Variants in NRIP3 observed in about 807,000 individuals in gnomAD.
The protein encoded by NRIP3 is nuclear receptor interacting protein 3, also known as nuclear receptor-interacting protein 3.
Under a neutral mutation model 29.0 loss-of-function variants are expected in NRIP3, and 31 were observed. That is an observed-to-expected ratio of 1.07 (90% CI 0.80 to 1.44). The LOEUF (loss-of-function observed/expected upper bound fraction) is 1.44. NRIP3 is among the 40% of genes most tolerant of loss of function. The probability of loss-of-function intolerance (pLI) is 0.00; values close to 1 mark genes in which losing one functional copy is unlikely to be tolerated. For synonymous variants in NRIP3, 131 were observed against 118.3 expected, an observed-to-expected ratio of 1.11 and a Z score of -0.70; for missense variants, 314 against 297.9, an observed-to-expected ratio of 1.05 and a Z score of -0.40.
At chr11:8,987,726 G>A in intron 2 of NRIP3, 96 bp from the exon 3 acceptor site, 2 of 931,916 alleles carry the variant, frequency 2.1e-6, no homozygotes, top group Non-Finnish European at 3.6e-6. Context: ...GAAAGGCAGG[G>A]TTGGAGAGCA....
intron 1 of NRIP3, among the ~76,000 whole-genome samples, chr11:8,996,856 A>T (rs998733712): frequency 5.3e-5 from 8 of 151,724 alleles, no homozygotes; most frequent in African/African-American, 1.9e-4. Context: ...CTTTGAGACC[A>T]ACCTAGCAAC....
At chr11:9,001,908 G>A (rs1854807400) in intron 1 of NRIP3, among the ~76,000 whole-genome samples, 1 of 152,228 alleles carries the variant, frequency 6.6e-6, no homozygotes, top group Non-Finnish European at 1.5e-5. Context: ...ATGATTCAGA[G>A]CCTTACAGTC....
chr11:8,982,525 A>C lies in NRIP3; in HGVS notation c.*1020T>G, dbSNP rs1854436787. On this transcript the variant is annotated 3_prime_UTR_variant, in exon 7 of 7. Coordinates refer to ENST00000309166, the MANE Select transcript of NRIP3 (RefSeq NM_020645.3). ...GACAGACACATAATAGGATGGGCAGAAATGCTGATCGGATCTTGGGAGTAA... is the reference window on the plus strand; with the variant it reads ...GACAGACACATAATAGGATGGGCAGCAATGCTGATCGGATCTTGGGAGTAA... The C allele has an allele frequency of 6.3e-6, 1 of 158,012 alleles. No individual in the cohort carries two copies. Among genetic ancestry groups the C allele is most frequent in the Non-Finnish European group, 1.4e-5 (1 of 72,162 alleles). The allele number at this position is 158,012 out of a possible 1,614,324, so 9.8% of individuals were successfully genotyped here.
intron 1 of NRIP3, among the ~76,000 whole-genome samples, chr11:8,991,583 G>A (rs577693265): frequency 4.0e-5 from 6 of 151,834 alleles, no homozygotes; most frequent in African/African-American, 1.4e-4. Flanking sequence ...CAATAAAGAA[G>A]AAAAAAAAGA....
chr11:8,996,093 G>A (rs779454855), intron 1 of NRIP3, among the ~76,000 whole-genome samples: 2 of 151,944 alleles, frequency 1.3e-5, no homozygotes, highest in Non-Finnish European at 2.9e-5. Context: ...TTCTTTCATA[G>A]TAATTATCAA....
At chr11:9,000,985 C>G (rs149691853) in intron 1 of NRIP3, among the ~76,000 whole-genome samples, 1 of 152,150 alleles carries the variant, frequency 6.6e-6, no homozygotes, top group East Asian at 1.9e-4. Flanking sequence ...GGGAGGATCT[C>G]TTGAGCCTGC....
chr11:8,991,864 T>A (rs1435376692), intron 1 of NRIP3, among the ~76,000 whole-genome samples: 1 of 152,244 alleles, frequency 6.6e-6, no homozygotes, highest in African/African-American at 2.4e-5. Flanking sequence ...GCACCATTTC[T>A]ATGCCTGGCC....
In NRIP3 at chr11:8,983,335, G is replaced by C. The variant is rs971070808; in HGVS notation, c.*210C>G. The C allele has an allele frequency of 1.7e-6, 1 of 591,374 alleles. No individual in the cohort carries two copies. The highest frequency in any genetic ancestry group is 2.9e-5 in the East Asian group (1 of 34,744). 36.6% of individuals were successfully genotyped at this position (591,374 alleles called of 1,614,324 possible). ...GTCTATAAGTTAAGTGATCAAAGTAGTAAAAAACAATGGCCATAACCAGAC... is the reference window on the plus strand; with the variant it reads ...GTCTATAAGTTAAGTGATCAAAGTACTAAAAAACAATGGCCATAACCAGAC... On this transcript the variant is annotated 3_prime_UTR_variant, in exon 7 of 7. Coordinates refer to ENST00000309166, the MANE Select transcript of NRIP3 (RefSeq NM_020645.3).
At chr11:8,988,480 C>T (rs1429860528) in intron 1 of NRIP3, among the ~76,000 whole-genome samples, 198 bp from the exon 2 acceptor site, 1 of 152,100 alleles carries the variant, frequency 6.6e-6, no homozygotes, top group Non-Finnish European at 1.5e-5. Context: ...AGTAGGCCAC[C>T]CTGAATGAAT....
chr11:8,982,096 C>G lies in NRIP3; in HGVS notation c.*1449G>C, dbSNP rs1854424745. ...ACTTGGGAATATCTTAAAGGGATAC[C>G]CACAGCTAGCTATTTTTCTGACTTG... On this transcript the variant is annotated 3_prime_UTR_variant, in exon 7 of 7. Coordinates refer to ENST00000309166, the MANE Select transcript of NRIP3 (RefSeq NM_020645.3). 1 of 152,134 alleles carries G rather than the reference C, an allele frequency of 6.6e-6. No homozygotes were observed. The highest frequency in any genetic ancestry group is 2.1e-4 in the South Asian group (1 of 4,820). The allele number at this position is 152,134 out of a possible 1,614,324, so 9.4% of individuals were successfully genotyped here. A position where few individuals can be genotyped will look rare whatever the true frequency, so the allele number is the denominator to read the frequency against.
At chr11:8,989,019 A>C (rs1854558678) in intron 1 of NRIP3, among the ~76,000 whole-genome samples, 2 of 152,190 alleles carry the variant, frequency 1.3e-5, no homozygotes, top group Admixed American at 6.5e-5. Flanking sequence ...CCTTCCCTTC[A>C]ATGGCCCAAA....
chr11:8,983,684 G>T, intron 6 of NRIP3, 124 bp from the exon 7 acceptor site: 1 of 959,192 alleles, frequency 1.0e-6, no homozygotes, highest in Non-Finnish European at 1.6e-6. Flanking sequence ...CATCACCATT[G>T]CTCATTCTGA....
rs1450710576 is a variant in NRIP3, at chr11:8,988,135, T to C, written c.322A>G (p.Ile108Val). Residue 108 changes from isoleucine to valine, a missense_variant, in exon 2 of 7, where the codon ATT (isoleucine) becomes GTT (valine). Transcript: ENST00000309166. ...GLKKSEEDDM[I>V]LVSCQCAGKD... ...AACATTACCTGGCAAGAAACCAAAA[T>C]CATGTCATCCTCCTCAGACTTCTTT... is the stretch of plus-strand genomic sequence containing the variant. 1 of 1,613,938 alleles carries C rather than the reference T, an allele frequency of 6.2e-7. No individual in the cohort carries two copies. Among genetic ancestry groups the C allele is most frequent in the Admixed American group, 1.7e-5 (1 of 59,986 alleles).
At chr11:8,994,776 C>T (rs1313920002) in intron 1 of NRIP3, among the ~76,000 whole-genome samples, 2 of 152,162 alleles carry the variant, frequency 1.3e-5, no homozygotes, top group Non-Finnish European at 2.9e-5. Context: ...GTTCCTTTGC[C>T]TATGTTCATT....
Position 9,003,825 on chromosome 11 carries a change from G to A in NRIP3, c.111C>T (p.His37=). Reference sequence around the variant, plus strand: ...GGGGCAGCAGGTCGGCGGAGTCCTTGTGGATGAACTGCACCGCCTGCTTCA... The same window carrying A: ...GGGGCAGCAGGTCGGCGGAGTCCTTATGGATGAACTGCACCGCCTGCTTCA... ...RRMKQAVQFI[H]KDSADLLPLD... The change falls in exon 1 of 7, where the codon CAC becomes CAT. Residue 37 remains histidine, a synonymous_variant. Coordinates refer to ENST00000309166, the MANE Select transcript of NRIP3 (RefSeq NM_020645.3). The A allele has an allele frequency of 1.3e-6, 2 of 1,521,566 alleles. No individual in the cohort carries two copies. The highest frequency in any genetic ancestry group is 1.8e-6 in the Non-Finnish European group (2 of 1,136,142). The allele number at this position is 1,521,566 out of a possible 1,614,324, so 94.3% of individuals were successfully genotyped here.
Position 8,990,602 on chromosome 11 carries a change from A to G in NRIP3, c.175-2320T>C, listed in dbSNP as rs187326194. Among the ~76,000 whole-genome samples, 18 of 152,258 alleles carry G rather than the reference A, an allele frequency of 1.2e-4. No individual in the cohort carries two copies. In the South Asian group the frequency reaches 1.7e-3, roughly 14 times the overall value. On this transcript the variant is annotated intron_variant, in intron 1 of 6. Transcript: ENST00000309166. ...GGAGTTCGAGACCAGCCTGTCCAAC[A>G]TGGCAAAACCCTGTCTCTACTAAAA...
intron 3 of NRIP3, 149 bp downstream of exon 3, chr11:8,987,399 A>G (rs1281551939): frequency 3.0e-6 from 2 of 672,236 alleles, no homozygotes; most frequent in East Asian, 5.1e-5. Context: ...CCTCCCCTCT[A>G]CTAAGGATTC....
chr11:9,004,050 G>A (rs1432504957), upstream of NRIP3: 3 of 1,100,634 alleles, frequency 2.7e-6, no homozygotes, highest in South Asian at 4.6e-5. Flanking sequence ...GTGACGTCGC[G>A]GGGAGCAGCC....
intron 1 of NRIP3, among the ~76,000 whole-genome samples, chr11:8,990,583 C>T (rs552696055): frequency 3.3e-5 from 5 of 151,896 alleles, no homozygotes; most frequent in African/African-American, 7.3e-5. Flanking sequence ...CTCAGGAGTT[C>T]GAGACCAGCC....
Sources: allele counts gnomAD v4.1 joint callset (sites outside exome capture counted in the v4.1 genomes callset), GRCh38; gene constraint gnomAD v4.1.1; transcripts MANE v1.5; gene names NCBI Gene and HGNC (gene_info 2026-07-23, HGNC 2026-07-21).